The following CCDC57 variants were observed in gnomAD, a reference collection of about 807,000 sequenced individuals.
CCDC57 encodes coiled-coil domain containing 57, also known as coiled-coil domain-containing protein 57.
A neutral mutation model predicts 118.9 loss-of-function variants in CCDC57; 118 were observed. That is an observed-to-expected ratio of 0.99 (90% CI 0.86 to 1.16). The LOEUF is 1.16. Ranked by LOEUF, CCDC57 falls within the 50% of genes most tolerant of loss-of-function variation. The pLI is 0.00. For missense variants in CCDC57, 1,300 were observed against 1,320.7 expected (o/e 0.98, Z 0.24); for synonymous variants, 527 against 532.9 (o/e 0.99, Z 0.15).
chr17:82,108,334 G>C (rs1180964105), intron 19 of CCDC57, among the ~76,000 whole-genome samples: 2 of 152,166 alleles, frequency 1.3e-5, no homozygotes. Context: ...GTGGACAGCC[G>C]GGCTGTTCTT....
At chr17:82,174,015 T>C (rs969330052) in intron 11 of CCDC57, among the ~76,000 whole-genome samples, 6 of 152,208 alleles carry the variant, frequency 3.9e-5, no homozygotes, top group Non-Finnish European at 8.8e-5. Flanking sequence ...GACGCCAGCA[T>C]AGACCCCAGA....
intron 16 of CCDC57, among the ~76,000 whole-genome samples, chr17:82,148,175 A>G (rs1161346242): frequency 3.3e-5 from 4 of 120,302 alleles, no homozygotes; most frequent in African/African-American, 1.3e-4. Flanking sequence ...GGATGAATAG[A>G]TAGGTGGGTG....
Position 82,128,720 on chromosome 17 carries a change from A to G in CCDC57, c.2578-123T>C, listed in dbSNP as rs149079261. 7.1e-5 allele frequency: 57 copies of G among 797,222 alleles called. No individual in the cohort carries two copies. In the African/African-American group the frequency reaches 8.3e-4, roughly 12 times the overall value. 49.4% of individuals were successfully genotyped at this position (797,222 alleles called of 1,614,324 possible). A position where few individuals can be genotyped will look rare whatever the true frequency, so the allele number is the denominator to read the frequency against. ...CACATTTCTGGTATTAAAGACTCAC[A>G]CCATTTGGTGACAGCCCGGACTGAA... On this transcript the variant is annotated intron_variant, in intron 17 of 19. Coordinates refer to ENST00000665763, the Ensembl canonical transcript of CCDC57.
At chr17:82,101,833 G>A (rs746790544) in exon 20 of CCDC57, 6 of 1,585,930 alleles carry the variant, frequency 3.8e-6, no homozygotes, top group Non-Finnish European at 5.1e-6. Flanking sequence ...CATCTTGACG[G>A]GCCTCCTGTC....
At chr17:82,133,046 C>T (rs1231131004) in intron 17 of CCDC57, among the ~76,000 whole-genome samples, 2 of 152,092 alleles carry the variant, frequency 1.3e-5, no homozygotes, top group East Asian at 3.9e-4. Context: ...GCGTGAGCCA[C>T]CGCACCTGGC....
rs1373528567 is a variant in CCDC57, at chr17:82,150,588, C to T, written c.2455+972G>A. Among the ~76,000 whole-genome samples the T allele has an allele frequency of 3.6e-4, 16 of 44,652 alleles. 2 individuals are homozygous for T. Among genetic ancestry groups the T allele is most frequent in the Admixed American group, 1.1e-3 (4 of 3,552 alleles). 29.3% of individuals were successfully genotyped at this position (44,652 alleles called of 152,430 possible). ...CCAGGCGCACACTCAGAACCTGACC[C>T]GCACCCAGAACCAAGCGCACACCCA... is the stretch of plus-strand genomic sequence containing the variant. On this transcript the variant is annotated intron_variant, in intron 16 of 19. Transcript: ENST00000665763.
intron 17 of CCDC57, among the ~76,000 whole-genome samples, chr17:82,131,085 T>A (rs2038292232): frequency 6.7e-6 from 1 of 149,814 alleles, no homozygotes; most frequent in Non-Finnish European, 1.5e-5. Context: ...AGTGCTGGGA[T>A]TACAGGCATG....
intron 16 of CCDC57, among the ~76,000 whole-genome samples, chr17:82,136,916 G>T (rs2039272722): frequency 6.6e-6 from 1 of 151,618 alleles, no homozygotes; most frequent in Non-Finnish European, 1.5e-5. Context: ...ATCCTTACTT[G>T]GTTGAAAGAA....
intron 16 of CCDC57, among the ~76,000 whole-genome samples, chr17:82,138,201 T>C (rs572189616): frequency 7.4e-4 from 104 of 140,272 alleles, no homozygotes; most frequent in Admixed American, 2.1e-3. Flanking sequence ...CAGGCTAGAG[T>C]GCAGTGGTAC....
chr17:82,169,117 C>T (rs1262157799), intron 13 of CCDC57, among the ~76,000 whole-genome samples: 1 of 151,976 alleles, frequency 6.6e-6, no homozygotes, highest in African/African-American at 2.4e-5. Context: ...ATAAAACCTC[C>T]CTTATTTTAT....
intron 16 of CCDC57, among the ~76,000 whole-genome samples, chr17:82,144,702 C>T (rs548989823): frequency 1.2e-4 from 19 of 152,282 alleles, no homozygotes; most frequent in African/African-American, 4.3e-4. Flanking sequence ...ATTTTAAATA[C>T]GTACGTGTCA....
chr17:82,128,518 C>T, exon 18 of CCDC57: 1 of 1,567,278 alleles, frequency 6.4e-7, no homozygotes, highest in Non-Finnish European at 8.7e-7. Context: ...GGCGTCAAGT[C>T]TGCTGCCCAC....
intron 19 of CCDC57, among the ~76,000 whole-genome samples, chr17:82,111,070 A>C (rs146277963): frequency 0.01 from 1,546 of 152,158 alleles, 24 homozygotes; most frequent in African/African-American, 0.036. Context: ...AAACAGAATC[A>C]AAGACAGACT....
intron 16 of CCDC57, among the ~76,000 whole-genome samples, chr17:82,141,933 G>C (rs1167514275): frequency 1.3e-5 from 2 of 152,150 alleles, no homozygotes; most frequent in Non-Finnish European, 2.9e-5. Context: ...GAGCTGCTTT[G>C]CGATTTTACC....
At chr17:82,163,102 G>A in intron 14 of CCDC57, 98 bp downstream of exon 13, 1 of 1,468,308 alleles carries the variant, frequency 6.8e-7, no homozygotes, top group South Asian at 1.3e-5. Flanking sequence ...GATGCCCGAG[G>A]TCACCTGGGG....
intron 19 of CCDC57, among the ~76,000 whole-genome samples, chr17:82,122,918 G>T (rs1269484081): frequency 6.6e-6 from 1 of 152,016 alleles, no homozygotes; most frequent in Non-Finnish European, 1.5e-5. Context: ...AAGTTTCTTG[G>T]ATATGTTGTC....
At chr17:82,130,240 C>A (rs1331105984) in intron 17 of CCDC57, among the ~76,000 whole-genome samples, 2 of 151,948 alleles carry the variant, frequency 1.3e-5, no homozygotes, top group African/African-American at 4.8e-5. Context: ...GTTGCCCAGG[C>A]TGGAGTGCAG....
chr17:82,107,137 T>G (rs2034909201), intron 19 of CCDC57, among the ~76,000 whole-genome samples: 1 of 152,178 alleles, frequency 6.6e-6, no homozygotes, highest in Admixed American at 6.5e-5. Context: ...CCCGACCTGC[T>G]CAGGACACTG....
In CCDC57 at chr17:82,201,831, G is replaced by C. The variant is rs1054567928; in HGVS notation, c.114C>G (p.Asp38Glu). 3 of 1,613,558 alleles carry C rather than the reference G, an allele frequency of 1.9e-6. No individual in the cohort carries two copies. The highest frequency in any genetic ancestry group is 1.7e-5 in the Admixed American group (1 of 60,008). Residue 38 changes from aspartate (D) to glutamate (E), a missense_variant, in exon 3 of 20, where the codon GAC (aspartate) becomes GAG (glutamate). Physicochemically the swap from Asp to Glu is conservative, Grantham distance 45. Transcript: ENST00000665763. ...GCGCCTCCTCCAGCTGGCTCCGTGT[G>C]TCCTGCAGAGCCGCCTCCTGCAGCT...
Sources: gnomAD v4.1 joint callset for allele counts (sites outside exome capture counted in the v4.1 genomes callset) on GRCh38, gnomAD v4.1.1 for gene constraint, MANE v1.5 for transcripts, NCBI Gene and HGNC (gene_info 2026-07-23, HGNC 2026-07-21) for gene names.